FAM135B: variants seen among roughly 807,000 people sequenced by gnomAD.
The protein encoded by FAM135B is protein FAM135B.
In FAM135B, 43 loss-of-function variants were observed where a neutral mutation model predicts 127.7. The ratio of observed to expected loss-of-function variants is 0.34; its 90% CI spans 0.26 to 0.43. The LOEUF is 0.43. FAM135B is among the 20% of genes least tolerant of loss of function. The probability of loss-of-function intolerance (pLI) is 1.00; values close to 1 mark genes in which losing one functional copy is unlikely to be tolerated. For synonymous variants in FAM135B, 670 were observed against 665.1 expected, an observed-to-expected ratio of 1.01 and a Z score of -0.11; for missense variants, 1,558 against 1,725.6, an observed-to-expected ratio of 0.90 and a Z score of 1.72.
At chr8:138,484,805 C>T (rs1351305397) in intron 1 of FAM135B, among the ~76,000 whole-genome samples, 2 of 152,142 alleles carry the variant, frequency 1.3e-5, no homozygotes, top group East Asian at 1.9e-4. Flanking sequence ...TATTAATATT[C>T]ATTTTATTCT....
At chr8:138,442,529 A>AT in intron 1 of FAM135B, among the ~76,000 whole-genome samples, 1 of 151,938 alleles carries the variant, frequency 6.6e-6, no homozygotes, top group Admixed American at 6.6e-5. Context: ...TAGAGTTACT[A>AT]TTTTTTCTAC....
At chr8:138,352,077 TC>T (rs1231571964) in intron 2 of FAM135B, among the ~76,000 whole-genome samples, 2 of 152,172 alleles carry the variant, frequency 1.3e-5, no homozygotes, top group Non-Finnish European at 2.9e-5. Context: ...TGCATAATAC[TC>T]TAGGTCTAGA....
At chr8:138,409,858 C>T (rs891277172) in intron 1 of FAM135B, among the ~76,000 whole-genome samples, 12 of 119,020 alleles carry the variant, frequency 1.0e-4, no homozygotes, top group African/African-American at 3.0e-4. Context: ...CCAGCCTGGG[C>T]GACAGAGTAA....
chr8:138,497,304 C>T (rs1387302477), upstream of FAM135B, among the ~76,000 whole-genome samples: 15 of 150,382 alleles, frequency 1.0e-4, no homozygotes, highest in East Asian at 2.5e-3. Flanking sequence ...GGTCCCTCTC[C>T]GCCGCGAGGC....
intron 3 of FAM135B, among the ~76,000 whole-genome samples, chr8:138,283,086 A>G (rs1824386544): frequency 6.6e-6 from 1 of 152,032 alleles, no homozygotes; most frequent in Admixed American, 6.6e-5. Flanking sequence ...TTTTTAGTAG[A>G]GACGGGGTTT....
At chr8:138,208,960 C>A (rs1817925853) in intron 7 of FAM135B, among the ~76,000 whole-genome samples, 1 of 152,140 alleles carries the variant, frequency 6.6e-6, no homozygotes, top group Non-Finnish European at 1.5e-5. Context: ...TACCTTAATA[C>A]CTATGATACA....
chr8:138,428,861 T>C (rs1268117881), intron 1 of FAM135B, among the ~76,000 whole-genome samples: 1 of 152,244 alleles, frequency 6.6e-6, no homozygotes, highest in Non-Finnish European at 1.5e-5. Context: ...AATTTGAATA[T>C]CTCATTCTCT....
intron 7 of FAM135B, among the ~76,000 whole-genome samples, chr8:138,237,408 G>A (rs985191005): frequency 2.0e-5 from 3 of 151,988 alleles, no homozygotes; most frequent in East Asian, 1.9e-4. Flanking sequence ...TGATCTGCCC[G>A]CCTCGGCCTC....
intron 3 of FAM135B, among the ~76,000 whole-genome samples, chr8:138,289,547 A>C (rs1230524151): frequency 6.6e-6 from 1 of 152,230 alleles, no homozygotes; most frequent in African/African-American, 2.4e-5. Context: ...GCTTAGCGCA[A>C]GGAGGAAACT....
chr8:138,344,039 G>A (rs1400032020), intron 2 of FAM135B, among the ~76,000 whole-genome samples: 1 of 152,220 alleles, frequency 6.6e-6, no homozygotes, highest in African/African-American at 2.4e-5. Context: ...ATGGGATGAG[G>A]AGGGAGGCAG....
At chr8:138,348,165 A>C (rs1587181701) in intron 2 of FAM135B, among the ~76,000 whole-genome samples, 1 of 69,146 alleles carries the variant, frequency 1.4e-5, no homozygotes, top group African/African-American at 5.4e-5. Context: ...AAGGAATTTC[A>C]CTCTTGTTGC....
chr8:138,165,776 T>G (rs769363310), intron 12 of FAM135B, among the ~76,000 whole-genome samples: 1 of 152,180 alleles, frequency 6.6e-6, no homozygotes, highest in Non-Finnish European at 1.5e-5. Context: ...AACGTCTCAG[T>G]GTCATGTTTT....
rs1229330549 is a variant in FAM135B, at chr8:138,132,531, G to A, written c.*62C>T. ...TGAAATGGTGAGGTCTGTAAAAGCA[G>A]GTCTCAGCTAAAGCTCTCCACCGAT... On this transcript the variant is annotated 3_prime_UTR_variant, in exon 20 of 20. Transcript: ENST00000395297. The surrounding 1 kb of genome is among the most constrained non-coding windows in gnomAD (Gnocchi z 4.5). 1.0e-5 allele frequency: 14 copies of A among 1,383,690 alleles called. No homozygotes were observed. Among genetic ancestry groups the A allele is most frequent in the African/African-American group, 1.4e-5 (1 of 69,986 alleles). The allele number at this position is 1,383,690 out of a possible 1,614,324, so 85.7% of individuals were successfully genotyped here. A position where few individuals can be genotyped will look rare whatever the true frequency, so the allele number is the denominator to read the frequency against.
chr8:138,136,533 G>T (rs1410922612), intron 19 of FAM135B, among the ~76,000 whole-genome samples: 2 of 152,036 alleles, frequency 1.3e-5, no homozygotes, highest in Non-Finnish European at 2.9e-5. Flanking sequence ...TTGTACTGTT[G>T]TTGCAACATT....
intron 3 of FAM135B, among the ~76,000 whole-genome samples, chr8:138,303,064 C>T (rs910733856): frequency 2.0e-5 from 3 of 152,136 alleles, no homozygotes; most frequent in Admixed American, 2.0e-4. Flanking sequence ...ATACCATTTG[C>T]CCTAGCAATC....
intron 9 of FAM135B, among the ~76,000 whole-genome samples, chr8:138,180,509 G>T (rs1196591754): frequency 1.3e-5 from 2 of 152,096 alleles, no homozygotes; most frequent in South Asian, 4.1e-4. Context: ...CTGCTTTTGG[G>T]TGTAAAATAT....
At position 138,423,900 on chromosome 8, in the gene FAM135B, C is replaced by A. The variant is rs139195229; in HGVS notation, c.-19-55898G>T. Among the ~76,000 whole-genome samples, 287 of 152,264 alleles carry A rather than the reference C, an allele frequency of 1.9e-3. 2 individuals carry two copies. The highest frequency in any genetic ancestry group is 6.5e-3 in the African/African-American group (272 of 41,540). ...CTACCCTCAGGGGTGCATTCTCTTTCTCAGGGATGTTCCTTGCTGAGAAAA... is the reference window on the plus strand; with the variant it reads ...CTACCCTCAGGGGTGCATTCTCTTTATCAGGGATGTTCCTTGCTGAGAAAA... On this transcript the variant is annotated intron_variant, in intron 1 of 19. Coordinates refer to ENST00000395297, the MANE Select transcript of FAM135B (RefSeq NM_015912.4).
intron 9 of FAM135B, among the ~76,000 whole-genome samples, chr8:138,188,276 T>C (rs1815769619): frequency 6.6e-6 from 1 of 152,180 alleles, no homozygotes; most frequent in Non-Finnish European, 1.5e-5. Flanking sequence ...GAGGGCATCA[T>C]AGGAATCCCT....
chr8:138,473,369 C>A (rs532156847), intron 1 of FAM135B, among the ~76,000 whole-genome samples: 1 of 152,234 alleles, frequency 6.6e-6, no homozygotes, highest in African/African-American at 2.4e-5. Context: ...TCAAGCCCAG[C>A]ATCCTTAGAA....
Sources: gnomAD v4.1 joint callset for allele counts (sites outside exome capture counted in the v4.1 genomes callset) on GRCh38, gnomAD v4.1.1 for gene constraint, Gnocchi (gnomAD v3.1) non-coding constraint, MANE v1.5 for transcripts, NCBI Gene and HGNC (gene_info 2026-07-23, HGNC 2026-07-21) for gene names.